The following SYT1 variants were observed in gnomAD, a reference collection of about 807,000 sequenced individuals.
The protein encoded by SYT1 is synaptotagmin 1.
Under a neutral mutation model 44.8 loss-of-function variants are expected in SYT1, and 8 were observed. The observed-to-expected ratio is 0.18, with a 90% CI of 0.10 to 0.32. The LOEUF (loss-of-function observed/expected upper bound fraction) is 0.32, where lower values mean the gene tolerates loss of function less well. Ranked by LOEUF, SYT1 falls within the 10% of genes least tolerant of loss-of-function variation. The pLI is 1.00. For synonymous variants in SYT1, 154 were observed against 188.8 expected (o/e 0.82, Z 1.51); for missense variants, 286 against 509.3 (o/e 0.56, Z 4.22).
At chr12:79,318,996 A>C (rs893546490) in intron 8 of SYT1, among the ~76,000 whole-genome samples, 1 of 152,228 alleles carries the variant, frequency 6.6e-6, no homozygotes, top group Non-Finnish European at 1.5e-5. Context: ...ATAAACATTA[A>C]TATTTAACTT....
chr12:78,916,059 A>G (rs1305317274), intron 1 of SYT1, among the ~76,000 whole-genome samples: 5 of 152,046 alleles, frequency 3.3e-5, no homozygotes, highest in Admixed American at 1.3e-4. Context: ...ATTTTAATTA[A>G]ATGGTAGAAC....
intron 3 of SYT1, among the ~76,000 whole-genome samples, chr12:79,073,769 G>A (rs971079193): frequency 6.6e-6 from 1 of 152,130 alleles, no homozygotes; most frequent in African/African-American, 2.4e-5. Context: ...ACCTTCAGCT[G>A]TATGTATCTG....
intron 1 of SYT1, among the ~76,000 whole-genome samples, chr12:78,916,648 G>A (rs965062649): frequency 2.0e-5 from 3 of 151,824 alleles, no homozygotes; most frequent in Non-Finnish European, 4.4e-5. Context: ...TTGGTTAATT[G>A]TACCCAATGA....
intron 9 of SYT1, among the ~76,000 whole-genome samples, chr12:79,369,814 T>C (rs1883707845): frequency 6.6e-6 from 1 of 152,216 alleles, no homozygotes; most frequent in Non-Finnish European, 1.5e-5. Flanking sequence ...TGAAATTTTG[T>C]TTTTTAAAGC....
At chr12:79,325,049 T>G (rs960447764) in intron 8 of SYT1, among the ~76,000 whole-genome samples, 6 of 152,346 alleles carry the variant, frequency 3.9e-5, no homozygotes, top group African/African-American at 1.4e-4. Context: ...CAAAAATCTT[T>G]GGTAGTTGGT....
intron 3 of SYT1, among the ~76,000 whole-genome samples, chr12:79,161,735 G>T (rs1870961708): frequency 6.6e-6 from 1 of 152,094 alleles, no homozygotes; most frequent in South Asian, 2.1e-4. Flanking sequence ...GTAGGGATTT[G>T]AGCCTGAGGC....
intron 8 of SYT1, among the ~76,000 whole-genome samples, chr12:79,303,676 G>T (rs1029442825): frequency 1.3e-5 from 2 of 152,106 alleles, no homozygotes; most frequent in African/African-American, 4.8e-5. Flanking sequence ...AATCAATTTT[G>T]CAAGAAAATT....
At chr12:79,249,212 C>T (rs1478212770) in intron 4 of SYT1, among the ~76,000 whole-genome samples, 1 of 149,890 alleles carries the variant, frequency 6.7e-6, no homozygotes, top group Non-Finnish European at 1.5e-5. Context: ...TCACGCCATT[C>T]TCCTGCCTCA....
intron 3 of SYT1, among the ~76,000 whole-genome samples, chr12:79,064,926 G>GAAAGAA (rs549891799): frequency 2.7e-5 from 3 of 111,454 alleles, no homozygotes; most frequent in African/African-American, 1.1e-4. Context: ...AAAAAATAGA[G>GAAAGAA]AGAAAGAAAG....
chr12:79,098,573 C>A (rs1207755671), intron 3 of SYT1, among the ~76,000 whole-genome samples: 1 of 152,042 alleles, frequency 6.6e-6, no homozygotes, highest in Non-Finnish European at 1.5e-5. Context: ...TAAAGTAGTT[C>A]TCAAAACAGT....
chr12:78,894,334 T>TTTTTTTTTC, intron 1 of SYT1, among the ~76,000 whole-genome samples: 1 of 33,920 alleles, frequency 2.9e-5, no homozygotes, highest in East Asian at 8.7e-4. Context: ...TAATCTGTTT[T>TTTTTTTTTC]TTTTTTTTTT....
At chr12:79,394,250 C>T (rs979527220) in intron 9 of SYT1, among the ~76,000 whole-genome samples, 19 of 152,150 alleles carry the variant, frequency 1.2e-4, no homozygotes, top group East Asian at 5.8e-4. Flanking sequence ...CGGGTATTAA[C>T]TTGAATTGCA....
At chr12:79,229,695 G>A (rs1875747921) in intron 4 of SYT1, among the ~76,000 whole-genome samples, 1 of 151,974 alleles carries the variant, frequency 6.6e-6, no homozygotes, top group Non-Finnish European at 1.5e-5. Flanking sequence ...CCGGGTTCAA[G>A]CGATTCTCCT....
rs1880469725 is a variant in SYT1, at chr12:79,307,640, G to GCGT, written c.810+8089_810+8090insCGT. Among the ~76,000 whole-genome samples the GCGT allele has an allele frequency of 4.7e-5, 7 of 148,380 alleles. 1 individual carries two copies. The highest frequency in any genetic ancestry group is 1.8e-4 in the African/African-American group (7 of 38,310). On this transcript the variant is annotated intron_variant, in intron 8 of 10. Transcript: ENST00000261205. ...TGGGGGTGGGGGTGGGGGGGCGTGG[G>GCGT]GGGGGGCGGCAGGAGGAGCCCGAAC...
At chr12:79,175,108 G>A (rs990520533) in intron 3 of SYT1, among the ~76,000 whole-genome samples, 3 of 149,586 alleles carry the variant, frequency 2.0e-5, no homozygotes, top group African/African-American at 7.3e-5. Flanking sequence ...TATGTGTTAT[G>A]CTCTGGGAAA....
intron 1 of SYT1, among the ~76,000 whole-genome samples, chr12:78,976,238 A>G (rs960612910): frequency 1.6e-4 from 24 of 152,162 alleles, no homozygotes; most frequent in African/African-American, 5.8e-4. Flanking sequence ...GGCCAAAAAG[A>G]AGAAAAAAAA....
rs560307851 is a variant in SYT1, at chr12:79,045,008, C to A, written c.-83-2289C>A. On this transcript the variant is annotated intron_variant, in intron 2 of 10. Transcript: ENST00000261205. ...GATCTGCAGCTGCGTGCTGGGAGAA[C>A]CACTGCTCTCTTCAAAGCTGTCAGA... Among the ~76,000 whole-genome samples, 1,173 of 152,282 alleles carry A rather than the reference C, an allele frequency of 7.7e-3. 55 individuals carry two copies. Among genetic ancestry groups the A allele is most frequent in the Admixed American group, 0.07 (1,064 of 15,294 alleles).
At position 79,260,807 on chromosome 12, in the gene SYT1, T is replaced by A. The variant is rs543829835; in HGVS notation, c.167-24980T>A. ...TTCTGTTTTTACAGAAATCTCATAT[T>A]TTTTTTTTTAGTAGACTTGGGTCTC... is the stretch of plus-strand genomic sequence containing the variant. On this transcript the variant is annotated intron_variant, in intron 4 of 10. Transcript: ENST00000261205. Among the ~76,000 whole-genome samples the A allele has an allele frequency of 8.9e-3, 1,346 of 150,902 alleles. 13 individuals carry two copies. The highest frequency in any genetic ancestry group is 0.014 in the Non-Finnish European group (957 of 67,608).
chr12:79,064,772 A>G (rs1050771725), intron 3 of SYT1, among the ~76,000 whole-genome samples: 5 of 151,196 alleles, frequency 3.3e-5, no homozygotes, highest in Non-Finnish European at 7.4e-5. Context: ...AGCACTTCCA[A>G]TAACAACTAA....
Sources: gnomAD v4.1 joint callset for allele counts (sites outside exome capture counted in the v4.1 genomes callset) on GRCh38, gnomAD v4.1.1 for gene constraint, MANE v1.5 for transcripts, NCBI Gene and HGNC (gene_info 2026-07-23, HGNC 2026-07-21) for gene names.